Variants in AOX1 observed in about 807,000 individuals in gnomAD.
AOX1 encodes the protein aldehyde oxidase.
In AOX1, 153 loss-of-function variants were observed where a neutral mutation model predicts 169.5. The ratio of observed to expected loss-of-function variants is 0.90; its 90% CI spans 0.79 to 1.03. The LOEUF is 1.03. Among genes scored for constraint, AOX1 ranks in the 50% least tolerant of loss-of-function variants. The pLI, the probability that AOX1 is intolerant of heterozygous loss-of-function variation, is 0.00. For missense variants in AOX1, 1,656 were observed against 1,663.9 expected (o/e 1.00, Z 0.08); for synonymous variants, 562 against 581.9 (o/e 0.97, Z 0.49).
intron 5 of AOX1, among the ~76,000 whole-genome samples, chr2:200,601,825 C>CG (rs976686366): frequency 1.3e-5 from 2 of 151,784 alleles, no homozygotes; most frequent in Non-Finnish European, 1.5e-5. Context: ...CCCAGCTACT[C>CG]GGGGGGCTGA....
rs1039923211 is a variant in AOX1 at position 200,597,596 on chromosome 2, G to A, written c.309+91G>A. The A allele has an allele frequency of 3.5e-6, 3 of 861,866 alleles. No individual in the cohort carries two copies. The African/African-American group carries it at 5.1e-5, about 15-fold the overall frequency. The allele number at this position is 861,866 out of a possible 1,614,324, so 53.4% of individuals were successfully genotyped here. On this transcript the variant is annotated intron_variant, in intron 4 of 34. Transcript: ENST00000374700. ...AGATTAAGAGAGCGGAGCAGCCTGG[G>A]GCCTGCTGGCTCGGCCACTCCAACA...
At chr2:200,658,377 T>C (rs1003588750) in intron 27 of AOX1, among the ~76,000 whole-genome samples, 1 of 152,238 alleles carries the variant, frequency 6.6e-6, no homozygotes, top group African/African-American at 2.4e-5. Context: ...CACTTGAGAA[T>C]TGACTTTCCC....
At position 200,640,189 on chromosome 2, in the gene AOX1, T is replaced by G. The variant is rs548354425; in HGVS notation, c.2569-909T>G. Among the ~76,000 whole-genome samples the G allele has an allele frequency of 2.0e-5, 3 of 152,166 alleles. No individual in the cohort carries two copies. In the South Asian group the frequency reaches 6.2e-4, roughly 32 times the overall value. ...GAGAATTAGAACACAGAGCACTTCC[T>G]GGAAGGTAGTAAAAAATAGGATTGA... On this transcript the variant is annotated intron_variant, in intron 23 of 34. Coordinates refer to ENST00000374700, the MANE Select transcript of AOX1 (RefSeq NM_001159.4).
intron 14 of AOX1, among the ~76,000 whole-genome samples, chr2:200,613,027 T>TGTGTGTGTGTGAGA (rs112472592): frequency 0.046 from 6,743 of 146,090 alleles, 158 homozygotes; most frequent in Non-Finnish European, 0.061. Flanking sequence ...TGTGTGTGTG[T>TGTGTGTGTGTGAGA]GAGAGAGAGA....
Position 200,642,784 on chromosome 2 carries a change from G to A in AOX1, c.2830G>A (p.Gly944Arg), listed in dbSNP as rs753440361. ...TATCACGGAAGTTGCAGCCAAATGT[G>A]GACTATCCCCTGAGAAGGTAATACT... ...SCITEVAAKC[G>R]LSPEKVRIIN... is the part of the protein sequence containing the mutation. The change falls in exon 25 of 35, where the codon GGA (glycine) becomes AGA (arginine). Residue 944 changes from glycine to arginine, a missense_variant. Coordinates refer to ENST00000374700, the MANE Select transcript of AOX1 (RefSeq NM_001159.4). 11 of 1,613,278 alleles carry A rather than the reference G, an allele frequency of 6.8e-6. No individual in the cohort carries two copies. The African/African-American group carries it at 1.3e-4, about 20-fold the overall frequency.
At chr2:200,606,952 T>A (rs1295072166) in intron 10 of AOX1, among the ~76,000 whole-genome samples, 3 of 152,202 alleles carry the variant, frequency 2.0e-5, no homozygotes, top group Non-Finnish European at 2.9e-5. Context: ...ACTCCCTGTC[T>A]TCCTATTTGA....
chr2:200,611,018 T>C (rs1024767393), intron 12 of AOX1, among the ~76,000 whole-genome samples: 3 of 152,114 alleles, frequency 2.0e-5, no homozygotes, highest in Non-Finnish European at 4.4e-5. Flanking sequence ...CATGCCCAGC[T>C]AATTTTTTTG....
Position 200,586,123 on chromosome 2 carries a change from C to T in AOX1, c.15C>T (p.Ser5=). 6.4e-7 allele frequency: 1 copy of T among 1,564,330 alleles called. No individual in the cohort carries two copies. Among genetic ancestry groups the T allele is most frequent in the Non-Finnish European group, 8.7e-7 (1 of 1,155,596 alleles). Residue 5 remains serine (S), a synonymous_variant, in exon 1 of 35, where the codon TCC becomes TCT. Transcript: ENST00000374700. Reference sequence around the variant, plus strand: ...CGGACACCACAATGGACCGGGCGTCCGAGCTGCTCTTCTACGTGAACGGCC... The same window carrying T: ...CGGACACCACAATGGACCGGGCGTCTGAGCTGCTCTTCTACGTGAACGGCC... MDRA[S]ELLFYVNGRK... is the part of the protein sequence containing the mutation.
intron 18 of AOX1, among the ~76,000 whole-genome samples, chr2:200,621,591 G>C (rs1056838004): frequency 6.6e-6 from 1 of 152,024 alleles, no homozygotes; most frequent in Admixed American, 6.6e-5. Context: ...CCCAGTCTCA[G>C]TGTGGTCAAA....
At chr2:200,598,647 A>AGCAG (rs1283264471) in intron 4 of AOX1, among the ~76,000 whole-genome samples, 1 of 125,974 alleles carries the variant, frequency 7.9e-6, no homozygotes, top group Non-Finnish European at 1.9e-5. Flanking sequence ...GGGAGGCTGA[A>AGCAG]GCAGGAATAA....
chr2:200,642,497 G>A, intron 24 of AOX1, 113 bp from the exon 25 acceptor site: 1 of 739,076 alleles, frequency 1.4e-6, no homozygotes, highest in South Asian at 1.8e-5. Flanking sequence ...ATTTTAGCAT[G>A]TTAGATGAGA....
intron 23 of AOX1, 137 bp downstream of exon 23, chr2:200,638,439 T>C: frequency 1.4e-6 from 1 of 718,736 alleles, no homozygotes; most frequent in East Asian, 3.0e-5. Context: ...TTTAACTTTC[T>C]ATTGGTTGCA....
intron 27 of AOX1, among the ~76,000 whole-genome samples, chr2:200,658,337 A>C (rs2035735802): frequency 6.6e-6 from 1 of 152,242 alleles, no homozygotes; most frequent in African/African-American, 2.4e-5. Flanking sequence ...TTCTGAGTAT[A>C]AAGATGTTAA....
At chr2:200,604,884 A>G (rs2034484146) in intron 9 of AOX1, 44 bp downstream of exon 9, 22 of 852,520 alleles carry the variant, frequency 2.6e-5, no homozygotes, top group Non-Finnish European at 3.5e-5. Context: ...ATTGAGAAAA[A>G]GGGCTTGGGA....
intron 19 of AOX1, among the ~76,000 whole-genome samples, chr2:200,626,836 C>T (rs369128242): frequency 1.3e-5 from 2 of 152,218 alleles, no homozygotes; most frequent in Admixed American, 6.5e-5. Flanking sequence ...AAGCTCTTCA[C>T]GTCTTATTTC....
At position 200,611,366 on chromosome 2, in the gene AOX1, T is replaced by G; in HGVS notation, c.1154-18T>G. Reference sequence around the variant, plus strand: ...CAGACCAAACAGATCCCAGGGAAAGTGTCATTTCTTTCCACAGAAGGAAAA... The same window carrying G: ...CAGACCAAACAGATCCCAGGGAAAGGGTCATTTCTTTCCACAGAAGGAAAA... On this transcript the variant is annotated intron_variant, in intron 12 of 34. Transcript: ENST00000374700. The G allele has an allele frequency of 6.5e-7, 1 of 1,548,646 alleles. No individual in the cohort carries two copies. Among genetic ancestry groups the G allele is most frequent in the East Asian group, 2.2e-5 (1 of 44,534 alleles).
At chr2:200,666,630 T>G in intron 31 of AOX1, 57 bp from the exon 32 acceptor site, 2 of 1,333,984 alleles carry the variant, frequency 1.5e-6, no homozygotes, top group South Asian at 1.4e-5. Flanking sequence ...TTCCTCAGCT[T>G]CTTCTCCCTA....
intron 21 of AOX1, 121 bp downstream of exon 21, chr2:200,635,036 C>A: frequency 8.0e-7 from 1 of 1,249,096 alleles, no homozygotes; most frequent in Non-Finnish European, 1.1e-6. Flanking sequence ...TGCTTGAACC[C>A]AGGAGCTCAA....
chr2:200,658,720 C>T (rs755064723), intron 27 of AOX1, among the ~76,000 whole-genome samples: 3 of 151,966 alleles, frequency 2.0e-5, no homozygotes, highest in Non-Finnish European at 2.9e-5. Flanking sequence ...TTTTCCAAGG[C>T]CATCGTCCTT....
Sources: allele counts gnomAD v4.1 joint callset (sites outside exome capture counted in the v4.1 genomes callset), GRCh38; gene constraint gnomAD v4.1.1; transcripts MANE v1.5; gene names NCBI Gene and HGNC (gene_info 2026-07-23, HGNC 2026-07-21).